Variants in PCDHA10 observed in about 807,000 individuals in gnomAD.
PCDHA10 encodes protocadherin alpha 10.
In PCDHA10, 45 loss-of-function variants were observed where a neutral mutation model predicts 61.2. That is an observed-to-expected ratio of 0.74 (90% CI 0.58 to 0.94). The LOEUF is 0.94. PCDHA10 is among the 40% of genes least tolerant of loss of function. The pLI is 0.00. For missense variants in PCDHA10, 1,278 were observed against 1,236.2 expected (o/e 1.03, Z -0.51); for synonymous variants, 602 against 548.8 (o/e 1.10, Z -1.35).
intron 1 of PCDHA10, among the ~76,000 whole-genome samples, chr5:140,970,594 T>C (rs975404675): frequency 6.6e-6 from 1 of 152,206 alleles, no homozygotes; most frequent in Admixed American, 6.5e-5. Flanking sequence ...ATATGCTTTG[T>C]GATACTTAAA....
intron 1 of PCDHA10, chr5:140,968,154 A>G (rs782200456): frequency 3.7e-6 from 6 of 1,614,162 alleles, no homozygotes; most frequent in South Asian, 1.1e-5. Flanking sequence ...TCTGACATCA[A>G]TGACAATCCA....
rs73793540 is a variant in PCDHA10, at chr5:140,959,705, G to T, written c.2389-19244G>T. 8.9e-3 allele frequency among the ~76,000 whole-genome samples: 1,358 copies of T among 152,238 alleles called. 14 individuals are homozygous for T. The highest frequency in any genetic ancestry group is 0.032 in the African/African-American group (1,312 of 41,544). On this transcript the variant is annotated intron_variant, in intron 1 of 3. Coordinates refer to ENST00000307360, the MANE Select transcript of PCDHA10 (RefSeq NM_018901.4). ...AATTTCAATAAAATGAGCTTTGAAA[G>T]GGAAAATTTTTAGATAACATTATCT...
chr5:140,872,902 C>G lies in PCDHA10; in HGVS notation c.2388+14466C>G, dbSNP rs78252676. ...TCATTCATCTCACTTTGTAACTGCT[C>G]TATCTTGTAATGCCTTATCTCTAAT... On this transcript the variant is annotated intron_variant, in intron 1 of 3. Coordinates refer to ENST00000307360, the MANE Select transcript of PCDHA10 (RefSeq NM_018901.4). Among the ~76,000 whole-genome samples, 460 of 152,278 alleles carry G rather than the reference C, an allele frequency of 3.0e-3. 1 individual carries two copies. The highest frequency in any genetic ancestry group is 9.4e-3 in the Admixed American group (143 of 15,288).
intron 1 of PCDHA10, among the ~76,000 whole-genome samples, chr5:140,912,893 T>C (rs1346036777): frequency 6.6e-6 from 1 of 152,262 alleles, no homozygotes; most frequent in East Asian, 1.9e-4. Context: ...TCTGTTGATA[T>C]GATGTATCAT....
intron 3 of PCDHA10, 29 bp from the exon 4 acceptor site, chr5:141,009,598 T>C: frequency 6.2e-7 from 1 of 1,606,306 alleles, no homozygotes; most frequent in Non-Finnish European, 8.5e-7. Flanking sequence ...GTTGACCCTG[T>C]TAATGATTTG....
At chr5:140,993,123 C>G (rs925185301) in intron 3 of PCDHA10, among the ~76,000 whole-genome samples, 1 of 152,180 alleles carries the variant, frequency 6.6e-6, no homozygotes, top group African/African-American at 2.4e-5. Context: ...ACATCAATTT[C>G]CTTCTGTTGC....
intron 1 of PCDHA10, chr5:140,884,705 C>G (rs1156324848): frequency 3.4e-6 from 5 of 1,491,236 alleles, no homozygotes; most frequent in African/African-American, 1.4e-5. Flanking sequence ...AACACTTTAG[C>G]CTTCCTTGCA....
In PCDHA10 at chr5:140,918,657, T is replaced by G. The variant is rs116489086; in HGVS notation, c.2388+60221T>G. Among the ~76,000 whole-genome samples, 1,219 of 152,370 alleles carry G rather than the reference T, an allele frequency of 8.0e-3. 6 individuals are homozygous for G. The highest frequency in any genetic ancestry group is 0.019 in the African/African-American group (787 of 41,596). ...CATAAATTGAAACCTAATTCTCATG[T>G]TGATGGTATGAAGAGGTGAGACCTT... On this transcript the variant is annotated intron_variant, in intron 1 of 3. Coordinates refer to ENST00000307360, the MANE Select transcript of PCDHA10 (RefSeq NM_018901.4).
chr5:140,871,748 A>T (rs1298018715), intron 1 of PCDHA10: 3 of 637,032 alleles, frequency 4.7e-6, no homozygotes, highest in Non-Finnish European at 7.7e-6. Flanking sequence ...TCCTAAAAGA[A>T]ATGAGATGCA....
At chr5:140,937,829 A>G (rs1305110198) in intron 1 of PCDHA10, among the ~76,000 whole-genome samples, 2 of 148,988 alleles carry the variant, frequency 1.3e-5, no homozygotes, top group African/African-American at 2.5e-5. Context: ...GGAGAATGGC[A>G]TGAACCTGGA....
chr5:141,001,159 G>A (rs1332533329), intron 3 of PCDHA10, among the ~76,000 whole-genome samples: 2 of 152,076 alleles, frequency 1.3e-5, no homozygotes, highest in Non-Finnish European at 2.9e-5. Context: ...ATCTTAATAA[G>A]TAAAATTTAA....
intron 1 of PCDHA10, among the ~76,000 whole-genome samples, chr5:140,895,496 T>A (rs1364776623): frequency 1.3e-5 from 2 of 152,216 alleles, no homozygotes; most frequent in African/African-American, 4.8e-5. Flanking sequence ...TATTCAGAAC[T>A]TTTGCCCAAT....
At chr5:140,966,360 A>T (rs1169207709) in intron 1 of PCDHA10, 1 of 400,440 alleles carries the variant, frequency 2.5e-6, no homozygotes, top group Non-Finnish European at 4.4e-6. Flanking sequence ...ATGGGGCTGG[A>T]GAGGCTGAGC....
At chr5:140,951,967 C>A (rs2094665815) in intron 1 of PCDHA10, among the ~76,000 whole-genome samples, 1 of 152,166 alleles carries the variant, frequency 6.6e-6, no homozygotes, top group South Asian at 2.1e-4. Context: ...GTAAATACTC[C>A]TGTTCCAAAA....
intron 1 of PCDHA10, among the ~76,000 whole-genome samples, chr5:140,879,081 T>C (rs1425343317): frequency 1.3e-5 from 2 of 152,084 alleles, no homozygotes; most frequent in African/African-American, 4.8e-5. Flanking sequence ...GAGAGATAAG[T>C]AGGAACAACT....
intron 1 of PCDHA10, chr5:140,877,734 G>A (rs2057311538): frequency 1.9e-6 from 3 of 1,614,070 alleles, no homozygotes; most frequent in African/African-American, 2.7e-5. Flanking sequence ...CGCAGCAGAG[G>A]AGGCAGAGGG....
chr5:140,892,054 T>G (rs1409591142), intron 1 of PCDHA10, among the ~76,000 whole-genome samples: 4 of 152,244 alleles, frequency 2.6e-5, no homozygotes, highest in African/African-American at 7.2e-5. Flanking sequence ...TTTTTCAAAT[T>G]TATTGTTACT....
chr5:141,000,421 A>ATTTTTTTTTTTTT (rs34755515), intron 3 of PCDHA10, among the ~76,000 whole-genome samples: 1 of 27,968 alleles, frequency 3.6e-5, no homozygotes, highest in African/African-American at 1.8e-4. Flanking sequence ...ATATATATAT[A>ATTTTTTTTTTTTT]TTTTTTTTTT....
intron 1 of PCDHA10, chr5:140,871,653 C>T: frequency 1.6e-6 from 2 of 1,244,250 alleles, no homozygotes; most frequent in Non-Finnish European, 2.2e-6. Flanking sequence ...CCAAATGATA[C>T]ACATCTTCAG....
Sources: gnomAD v4.1 joint callset for allele counts (sites outside exome capture counted in the v4.1 genomes callset) on GRCh38, gnomAD v4.1.1 for gene constraint, MANE v1.5 for transcripts, NCBI Gene and HGNC (gene_info 2026-07-23, HGNC 2026-07-21) for gene names.